The following SFMBT2 variants were observed in gnomAD, a reference collection of about 807,000 sequenced individuals.
SFMBT2 encodes scm-like with four MBT domains protein 2.
SFMBT2 carries 38 observed loss-of-function variants against 110.1 expected under a neutral mutation model. The ratio of observed to expected loss-of-function variants is 0.35; its 90% CI spans 0.27 to 0.45. The LOEUF (loss-of-function observed/expected upper bound fraction) is 0.45. Ranked by LOEUF, SFMBT2 falls within the 20% of genes least tolerant of loss-of-function variation. The pLI is 1.00. For missense variants in SFMBT2, 1,011 were observed against 1,094.9 expected (o/e 0.92, Z 1.08); for synonymous variants, 425 against 425.4 (o/e 1.00, Z 0.01).
chr10:7,288,361 T>C (rs1564423299), intron 4 of SFMBT2, among the ~76,000 whole-genome samples: 1 of 152,236 alleles, frequency 6.6e-6, no homozygotes, highest in Non-Finnish European at 1.5e-5. Flanking sequence ...CATCTGTTTG[T>C]CCACTTTTAT....
chr10:7,357,575 T>G lies in SFMBT2; in HGVS notation c.436+10074A>C, dbSNP rs889184610. 2.0e-5 allele frequency among the ~76,000 whole-genome samples: 3 copies of G among 152,194 alleles called. No individual in the cohort carries two copies. In the South Asian group the frequency reaches 6.2e-4, roughly 32 times the overall value. Reference sequence around the variant, plus strand: ...CATCAGATTTTGGGCTCACTGGTCATCCACAATCACATGTTCCTAAACATA... The same window carrying G: ...CATCAGATTTTGGGCTCACTGGTCAGCCACAATCACATGTTCCTAAACATA... On this transcript the variant is annotated intron_variant, in intron 4 of 20. Transcript: ENST00000397167.
chr10:7,239,956 C>A (rs1397442635), intron 9 of SFMBT2, among the ~76,000 whole-genome samples: 1 of 152,052 alleles, frequency 6.6e-6, no homozygotes, highest in African/African-American at 2.4e-5. Flanking sequence ...ACAACTGAGC[C>A]TCAATTTCTC....
At chr10:7,225,696 G>A (rs571306694) in intron 10 of SFMBT2, among the ~76,000 whole-genome samples, 2 of 152,256 alleles carry the variant, frequency 1.3e-5, no homozygotes, top group East Asian at 3.9e-4. Context: ...CTGATAAAAA[G>A]AAGCTTTAGT....
rs1837542798 is a variant in SFMBT2 at position 7,161,231 on chromosome 10, G to A, written c.*2539C>T. 1 of 152,238 alleles carries A rather than the reference G, an allele frequency of 6.6e-6. No individual in the cohort carries two copies. Among genetic ancestry groups the A allele is most frequent in the Non-Finnish European group, 1.5e-5 (1 of 68,070 alleles). The allele number at this position is 152,238 out of a possible 1,614,324, so 9.4% of individuals were successfully genotyped here. Reference sequence around the variant, plus strand: ...AGATGGGCTCCAGAGAGCTCCTGGAGGATCCCCTCCCTCCAACGCAGCACC... The same window carrying A: ...AGATGGGCTCCAGAGAGCTCCTGGAAGATCCCCTCCCTCCAACGCAGCACC... On this transcript the variant is annotated 3_prime_UTR_variant, in exon 21 of 21. Transcript: ENST00000397167.
chr10:7,305,198 T>C (rs550005417), intron 4 of SFMBT2, among the ~76,000 whole-genome samples: 1 of 152,248 alleles, frequency 6.6e-6, no homozygotes, highest in Non-Finnish European at 1.5e-5. Flanking sequence ...AACCTACAAT[T>C]AGGGAGGCGA....
chr10:7,369,344 T>C (rs904916741), intron 3 of SFMBT2, among the ~76,000 whole-genome samples: 2 of 152,206 alleles, frequency 1.3e-5, no homozygotes, highest in Non-Finnish European at 2.9e-5. Flanking sequence ...TCTATTTCTA[T>C]TAAAACAAAA....
At chr10:7,382,445 T>C (rs545854619) in intron 1 of SFMBT2, among the ~76,000 whole-genome samples, 1 of 152,116 alleles carries the variant, frequency 6.6e-6, no homozygotes, top group African/African-American at 2.4e-5. Context: ...AAAAGACTAA[T>C]GAGTACATCT....
At chr10:7,332,987 C>T (rs1007559592) in intron 4 of SFMBT2, among the ~76,000 whole-genome samples, 55 of 152,324 alleles carry the variant, frequency 3.6e-4, no homozygotes, top group African/African-American at 1.3e-3. Flanking sequence ...CTGCCTCACC[C>T]TCCCGAGTAA....
intron 20 of SFMBT2, among the ~76,000 whole-genome samples, chr10:7,165,797 T>C (rs558223987): frequency 4.6e-5 from 7 of 152,376 alleles, no homozygotes; most frequent in African/African-American, 1.4e-4. Context: ...TGCTCTATAG[T>C]GCTCATACAT....
At chr10:7,340,567 G>A (rs951911493) in intron 4 of SFMBT2, among the ~76,000 whole-genome samples, 24 of 150,872 alleles carry the variant, frequency 1.6e-4, no homozygotes, top group African/African-American at 5.1e-4. Context: ...GCAGGAGGAT[G>A]GCTTGAGCCC....
intron 4 of SFMBT2, among the ~76,000 whole-genome samples, 180 bp from the exon 5 acceptor site, chr10:7,286,134 G>A (rs1284977851): frequency 1.3e-5 from 2 of 152,184 alleles, no homozygotes; most frequent in African/African-American, 4.8e-5. Flanking sequence ...CTGAAAATGT[G>A]TCTCTAAGTA....
intron 4 of SFMBT2, among the ~76,000 whole-genome samples, chr10:7,316,802 T>C (rs980231968): frequency 1.3e-5 from 2 of 152,124 alleles, no homozygotes; most frequent in Admixed American, 6.5e-5. Context: ...GATCCCCTAT[T>C]GGACTCTCCA....
chr10:7,380,061 T>C (rs1057377261), intron 2 of SFMBT2, among the ~76,000 whole-genome samples: 1 of 152,202 alleles, frequency 6.6e-6, no homozygotes. Context: ...GTGCAGATGA[T>C]ATACTACAAA....
chr10:7,322,251 A>G (rs992933689), intron 4 of SFMBT2, among the ~76,000 whole-genome samples: 3 of 152,208 alleles, frequency 2.0e-5, no homozygotes, highest in Admixed American at 2.0e-4. Flanking sequence ...GCCTGCCACC[A>G]TGTAAGATGT....
chr10:7,237,485 C>T (rs897844524), intron 9 of SFMBT2, among the ~76,000 whole-genome samples: 2 of 152,076 alleles, frequency 1.3e-5, no homozygotes, highest in African/African-American at 2.4e-5. Context: ...AACAATGATA[C>T]TGGTAAGGCA....
At chr10:7,347,777 C>G (rs1273337012) in intron 4 of SFMBT2, among the ~76,000 whole-genome samples, 1 of 152,066 alleles carries the variant, frequency 6.6e-6, no homozygotes, top group Non-Finnish European at 1.5e-5. Context: ...GGGCCACGGC[C>G]AATTATGGTA....
At chr10:7,375,074 A>C (rs184911460) in intron 2 of SFMBT2, among the ~76,000 whole-genome samples, 2 of 152,250 alleles carry the variant, frequency 1.3e-5, no homozygotes, top group Non-Finnish European at 2.9e-5. Context: ...TTTCCCCATG[A>C]TGTCATGAAA....
Position 7,200,508 on chromosome 10 carries a change from A to G in SFMBT2, c.1488-24T>C, listed in dbSNP as rs1432259904. Reference sequence around the variant, plus strand: ...ATCTGTCAACAGAGAAAATAAAACTATCAGGGACCACAAGCTTTAGAAGGA... The same window carrying G: ...ATCTGTCAACAGAGAAAATAAAACTGTCAGGGACCACAAGCTTTAGAAGGA... On this transcript the variant is annotated intron_variant, in intron 13 of 20. Coordinates refer to ENST00000397167, the MANE Select transcript of SFMBT2 (RefSeq NM_001387889.1). 3.2e-6 allele frequency: 5 copies of G among 1,578,562 alleles called. No homozygotes were observed. In the East Asian group the frequency reaches 6.9e-5, roughly 22 times the overall value.
intron 11 of SFMBT2, among the ~76,000 whole-genome samples, chr10:7,209,540 T>TA (rs1198058435): frequency 6.6e-6 from 1 of 152,214 alleles, no homozygotes; most frequent in African/African-American, 2.4e-5. Context: ...TCTGCAGCTA[T>TA]AAAAAAGAAT....
Sources: allele counts gnomAD v4.1 joint callset (sites outside exome capture counted in the v4.1 genomes callset), GRCh38; gene constraint gnomAD v4.1.1; transcripts MANE v1.5; gene names NCBI Gene and HGNC (gene_info 2026-07-23, HGNC 2026-07-21).